Variants in TBC1D22A observed in about 807,000 individuals in gnomAD.
The protein encoded by TBC1D22A is TBC1 domain family member 22A.
Under a neutral mutation model 60.2 loss-of-function variants are expected in TBC1D22A, and 38 were observed. That is an observed-to-expected ratio of 0.63 (90% confidence interval 0.49 to 0.83). The LOEUF (loss-of-function observed/expected upper bound fraction) is 0.83, where lower values mean the gene tolerates loss of function less well. TBC1D22A is among the 40% of genes least tolerant of loss of function. The pLI is 0.00. For missense variants in TBC1D22A, 628 were observed against 701.0 expected (o/e 0.90, Z 1.18); for synonymous variants, 302 against 281.7 (o/e 1.07, Z -0.72).
At chr22:47,071,850 A>C (rs545305448) in intron 11 of TBC1D22A, among the ~76,000 whole-genome samples, 2 of 152,114 alleles carry the variant, frequency 1.3e-5, no homozygotes, top group African/African-American at 2.4e-5. Context: ...GTGGAGAGAC[A>C]GTTTCTGATT....
At position 46,945,823 on chromosome 22, in the gene TBC1D22A, G is replaced by A. The variant is rs532516854; in HGVS notation, c.1016-28467G>A. ...AGAGGCGGGTCGAGGCACAAAGAAG[G>A]AAATAACTCATCCACGGCCCACAGC... On this transcript the variant is annotated intron_variant, in intron 8 of 12. Transcript: ENST00000337137. Among the ~76,000 whole-genome samples the A allele has an allele frequency of 1.8e-4, 27 of 152,306 alleles. No individual in the cohort carries two copies. In the South Asian group the frequency reaches 3.9e-3, roughly 22 times the overall value.
intron 4 of TBC1D22A, among the ~76,000 whole-genome samples, chr22:46,823,232 G>A (rs2085903839): frequency 6.6e-6 from 1 of 152,184 alleles, no homozygotes; most frequent in African/African-American, 2.4e-5. Context: ...CCAAACTGTG[G>A]TGATTCATGG....
intron 4 of TBC1D22A, among the ~76,000 whole-genome samples, chr22:46,820,658 C>T (rs545747767): frequency 2.1e-4 from 32 of 152,260 alleles, no homozygotes; most frequent in African/African-American, 6.7e-4. Context: ...ATTATGTGGT[C>T]GATTTTAGAA....
chr22:47,086,610 A>T lies in TBC1D22A; in HGVS notation c.1330-24898A>T, dbSNP rs527952689. Among the ~76,000 whole-genome samples the T allele has an allele frequency of 2.6e-5, 4 of 152,328 alleles. No homozygotes were observed. The East Asian group carries it at 7.7e-4, about 29-fold the overall frequency. ...TAATAAAGTGTTCTCCTCCCCCTAT[A>T]TACTAACAGTGTATACGCGATAGTA... On this transcript the variant is annotated intron_variant, in intron 11 of 12. Transcript: ENST00000337137.
intron 12 of TBC1D22A, among the ~76,000 whole-genome samples, chr22:47,124,472 T>C (rs1404158890): frequency 1.3e-5 from 2 of 152,192 alleles, no homozygotes; most frequent in African/African-American, 4.8e-5. Context: ...ATTGGGACCT[T>C]GCCTCTTCTT....
chr22:46,990,235 G>A lies in TBC1D22A; in HGVS notation c.1126-7399G>A, dbSNP rs992970171. ...ATCTGTCCAACCTAATTATTTATAC[G>A]GTTGGGGTTTAGGTTGCCATTTTCC... On this transcript the variant is annotated intron_variant, in intron 9 of 12. Coordinates refer to ENST00000337137, the MANE Select transcript of TBC1D22A (RefSeq NM_014346.5). This position sits in a 1 kb window ranked among gnomAD's most constrained non-coding sequence, Gnocchi z 4.6. Among the ~76,000 whole-genome samples the A allele has an allele frequency of 1.3e-5, 2 of 152,042 alleles. No individual in the cohort carries two copies. Among genetic ancestry groups the A allele is most frequent in the African/African-American group, 4.8e-5 (2 of 41,376 alleles).
In TBC1D22A at chr22:47,159,172, A is replaced by G. The variant is rs181869820; in HGVS notation, c.1426-14326A>G. The stretch of plus-strand genomic sequence containing the variant: ...CATCACACACACCATGTGTGCGGAT[A>G]CTACACACACAACACACACCACGCA... On this transcript the variant is annotated intron_variant, in intron 12 of 12. Transcript: ENST00000337137. Among the ~76,000 whole-genome samples the G allele has an allele frequency of 8.6e-5, 13 of 151,572 alleles. No homozygotes were observed. The East Asian group carries it at 2.5e-3, about 29-fold the overall frequency.
At chr22:46,827,957 A>G (rs2086143151) in intron 4 of TBC1D22A, among the ~76,000 whole-genome samples, 1 of 152,218 alleles carries the variant, frequency 6.6e-6, no homozygotes, top group Admixed American at 6.5e-5. Context: ...CCCCACCCTA[A>G]CACAATCTCA....
At chr22:47,149,263 G>A (rs142547002) in intron 12 of TBC1D22A, among the ~76,000 whole-genome samples, 3,766 of 152,290 alleles carry the variant, frequency 0.025, 104 homozygotes, top group African/African-American at 0.074. Context: ...CTCACGGCCC[G>A]GCGGCGGCAG....
intron 4 of TBC1D22A, among the ~76,000 whole-genome samples, chr22:46,826,597 G>T (rs898442731): frequency 6.6e-6 from 1 of 152,192 alleles, no homozygotes; most frequent in Non-Finnish European, 1.5e-5. Flanking sequence ...CCTGGAAGGT[G>T]GATGGGATGC....
intron 8 of TBC1D22A, among the ~76,000 whole-genome samples, chr22:46,968,439 A>G (rs973779626): frequency 6.6e-6 from 1 of 152,224 alleles, no homozygotes; most frequent in Admixed American, 6.5e-5. Context: ...CCACGCAGAA[A>G]GTCCTGCTGT....
chr22:46,872,852 C>G (rs1288060168), intron 4 of TBC1D22A, among the ~76,000 whole-genome samples: 1 of 152,120 alleles, frequency 6.6e-6, no homozygotes, highest in Non-Finnish European at 1.5e-5. Flanking sequence ...ATTCTATGAG[C>G]TGGGGAAAGT....
chr22:46,906,545 G>A (rs976691612), intron 7 of TBC1D22A, among the ~76,000 whole-genome samples: 26 of 152,172 alleles, frequency 1.7e-4, no homozygotes, highest in Non-Finnish European at 2.4e-4. Context: ...TGGCAGGCGC[G>A]GGAGCACTCA....
At chr22:47,010,977 AT>A (rs1338920978) in intron 10 of TBC1D22A, among the ~76,000 whole-genome samples, 1 of 152,178 alleles carries the variant, frequency 6.6e-6, no homozygotes, top group Non-Finnish European at 1.5e-5. Flanking sequence ...GCTAGCATTG[AT>A]TCAGTGCCTG....
chr22:46,963,262 C>G (rs2073612331), intron 8 of TBC1D22A, among the ~76,000 whole-genome samples: 1 of 152,020 alleles, frequency 6.6e-6, no homozygotes, highest in African/African-American at 2.4e-5. Context: ...TCACCTTACC[C>G]CATGGTGTCT....
chr22:46,792,593 C>T lies in TBC1D22A; in HGVS notation c.119+17C>T. 6.2e-7 allele frequency: 1 copy of T among 1,614,234 alleles called. No homozygotes were observed. Among genetic ancestry groups the T allele is most frequent in the Non-Finnish European group, 8.5e-7 (1 of 1,180,030 alleles). The stretch of plus-strand genomic sequence containing the variant: ...ACATGGCACGTAAGTGACGTTCCAA[C>T]CTCACTTGGCGTCTCGGCTCTGATA... On this transcript the variant is annotated intron_variant, in intron 2 of 12. Coordinates refer to ENST00000337137, the MANE Select transcript of TBC1D22A (RefSeq NM_014346.5).
chr22:46,904,045 T>C (rs1208966541), intron 7 of TBC1D22A, among the ~76,000 whole-genome samples: 1 of 152,076 alleles, frequency 6.6e-6, no homozygotes, highest in Non-Finnish European at 1.5e-5. Context: ...AAATCTGTCA[T>C]ATATATGTAT....
intron 11 of TBC1D22A, among the ~76,000 whole-genome samples, chr22:47,077,555 T>G (rs1409150554): frequency 6.6e-6 from 1 of 152,246 alleles, no homozygotes; most frequent in Non-Finnish European, 1.5e-5. Flanking sequence ...TCCGGCTCTA[T>G]GCCCGGTGAC....
rs117570670 is a variant in TBC1D22A at position 47,089,724 on chromosome 22, C to T, written c.1330-21784C>T. ...CTGTATAATTTTCCTTGTTTTAGAT[C>T]GTAAGAAATTCTTCTCACTGTTCCA... On this transcript the variant is annotated intron_variant, in intron 11 of 12. Transcript: ENST00000337137. Among the ~76,000 whole-genome samples the T allele has an allele frequency of 3.6e-4, 55 of 152,286 alleles. No homozygotes were observed. In the East Asian group the frequency reaches 7.3e-3, roughly 20 times the overall value.
Sources: gnomAD v4.1 joint callset for allele counts (sites outside exome capture counted in the v4.1 genomes callset) on GRCh38, gnomAD v4.1.1 for gene constraint, Gnocchi (gnomAD v3.1) non-coding constraint, MANE v1.5 for transcripts, NCBI Gene and HGNC (gene_info 2026-07-23, HGNC 2026-07-21) for gene names.